SLC35D1: variants seen among roughly 807,000 people sequenced by gnomAD.
SLC35D1 encodes solute carrier family 35 member D1, also known as nucleotide sugar transporter SLC35D1.
In SLC35D1, 31 loss-of-function variants were observed where a neutral mutation model predicts 46.7. That is an observed-to-expected ratio of 0.66 (90% CI 0.50 to 0.90). SLC35D1 has a LOEUF of 0.90. Among genes scored for constraint, SLC35D1 ranks in the 40% least tolerant of loss-of-function variants. The pLI is 0.00. For missense variants in SLC35D1, 397 were observed against 426.2 expected (o/e 0.93, Z 0.60); for synonymous variants, 195 against 164.6 (o/e 1.18, Z -1.41).
rs1056633371 is a variant in SLC35D1, at chr1:67,054,057, C to T, written c.-44G>A. 1 of 1,595,264 alleles carries T rather than the reference C, an allele frequency of 6.3e-7. No homozygotes were observed. The highest frequency in any genetic ancestry group is 8.6e-7 in the Non-Finnish European group (1 of 1,168,308). On this transcript the variant is annotated 5_prime_UTR_variant, in exon 1 of 12. Transcript: ENST00000235345. Reference sequence around the variant, plus strand: ...GGCCTGGCGGCGGGGCCTAGCGGCTCGGGGGCCTGCAGCGGCAGCTCCCAG... The same window carrying T: ...GGCCTGGCGGCGGGGCCTAGCGGCTTGGGGGCCTGCAGCGGCAGCTCCCAG...
rs778461128 is a variant in SLC35D1, at chr1:67,009,129, TCCA to T, written c.912_914del (p.Gly305del). The T allele has an allele frequency of 6.6e-7, 1 of 1,504,060 alleles. No individual in the cohort carries two copies. The highest frequency in any genetic ancestry group is 1.1e-5 in the South Asian group (1 of 87,474). 93.2% of individuals were successfully genotyped at this position (1,504,060 alleles called of 1,614,324 possible). A position where few individuals can be genotyped will look rare whatever the true frequency, so the allele number is the denominator to read the frequency against. On this transcript the variant is annotated inframe_deletion, in exon 11 of 12. Coordinates refer to ENST00000235345, the MANE Select transcript of SLC35D1 (RefSeq NM_015139.3). ...AGTTTGTCCACGTGAAAATATAATC[TCCA>T]CCAAAGACCATTCCAATATAAGTTA...
chr1:66,983,475 T>C, the SLC35D1 span, among the ~76,000 whole-genome samples: 1 of 150,496 alleles, frequency 6.6e-6, no homozygotes, highest in East Asian at 1.9e-4. Flanking sequence ...GCACCCTATA[T>C]TTTACTTCTT....
At chr1:66,981,658 C>A in the SLC35D1 span, 1 of 720,094 alleles carries the variant, frequency 1.4e-6, no homozygotes, top group Non-Finnish European at 2.2e-6. Context: ...AGATGAAGCA[C>A]TGGAATGAAT....
At chr1:66,997,578 T>TAC (rs934701652), downstream of SLC35D1, among the ~76,000 whole-genome samples, 8 of 130,862 alleles carry the variant, frequency 6.1e-5, no homozygotes, top group African/African-American at 1.7e-4. Context: ...TGTATATATA[T>TAC]ACACACACAG....
chr1:66,997,502 T>TAA (rs767972425), downstream of SLC35D1, among the ~76,000 whole-genome samples: 3,666 of 79,914 alleles, frequency 0.046, 146 homozygotes, highest in African/African-American at 0.085. Context: ...GACCCTGTGT[T>TAA]AAAAAAAAAA....
downstream of SLC35D1, among the ~76,000 whole-genome samples, chr1:66,995,349 T>C (rs1304448772): frequency 6.8e-6 from 1 of 147,066 alleles, no homozygotes; most frequent in African/African-American, 2.5e-5. Context: ...TGCCAACCTC[T>C]GACCTACAGT....
chr1:67,022,466 C>T (rs193055294), intron 8 of SLC35D1, among the ~76,000 whole-genome samples: 4 of 152,320 alleles, frequency 2.6e-5, no homozygotes, highest in Admixed American at 1.3e-4. Flanking sequence ...CGTCTGACTC[C>T]TGTTCAGCCA....
chr1:67,047,235 C>G, intron 7 of SLC35D1, 30 bp downstream of exon 7: 1 of 1,544,780 alleles, frequency 6.5e-7, no homozygotes, highest in Non-Finnish European at 8.9e-7. Context: ...CATCAGTACA[C>G]AACTGTTAAA....
In SLC35D1 at chr1:67,043,480, G is replaced by A. The variant is rs1645218083; in HGVS notation, c.637-1152C>T. Among the ~76,000 whole-genome samples, 2 of 152,158 alleles carry A rather than the reference G, an allele frequency of 1.3e-5. 1 individual carries two copies. Among genetic ancestry groups the A allele is most frequent in the African/African-American group, 4.8e-5 (2 of 41,424 alleles). On this transcript the variant is annotated intron_variant, in intron 7 of 11. Transcript: ENST00000235345. ...CCCTTGAACCCAGGAATCCAAGGGA[G>A]GCTGCAGTGAGCTCTGATTGTGCCA...
the SLC35D1 span, among the ~76,000 whole-genome samples, chr1:66,989,344 GTGT>G: frequency 3.9e-5 from 6 of 152,212 alleles, no homozygotes; most frequent in Non-Finnish European, 4.4e-5. Flanking sequence ...AGAGCTGGCT[GTGT>G]TGTTCTGCAC....
At chr1:67,011,999 G>C (rs1159024140) in intron 10 of SLC35D1, among the ~76,000 whole-genome samples, 2 of 152,172 alleles carry the variant, frequency 1.3e-5, no homozygotes, top group Admixed American at 6.5e-5. Flanking sequence ...TTGTGCCCTT[G>C]AAAGTTTGAC....
At chr1:67,005,857 T>C (rs1460733780) in intron 11 of SLC35D1, among the ~76,000 whole-genome samples, 2 of 152,192 alleles carry the variant, frequency 1.3e-5, no homozygotes, top group Non-Finnish European at 2.9e-5. Context: ...ATCTTGTTAA[T>C]TTCCCACGGC....
At position 67,004,233 on chromosome 1, in the gene SLC35D1, G is replaced by T; in HGVS notation, c.*107C>A. On this transcript the variant is annotated 3_prime_UTR_variant, in exon 12 of 12. Transcript: ENST00000235345. ...TCAGATTGTACAAGTGCAAAGGAAT[G>T]GTTATTTCCTCCATAATCAAGACAC... The T allele has an allele frequency of 2.2e-6, 2 of 925,554 alleles. No individual in the cohort carries two copies. The highest frequency in any genetic ancestry group is 1.8e-6 in the Non-Finnish European group (1 of 568,068). 57.3% of individuals were successfully genotyped at this position (925,554 alleles called of 1,614,324 possible).
At chr1:67,047,659 C>A (rs1645266110) in intron 6 of SLC35D1, among the ~76,000 whole-genome samples, 1 of 152,064 alleles carries the variant, frequency 6.6e-6, no homozygotes, top group Non-Finnish European at 1.5e-5. Flanking sequence ...CAACAAGCAC[C>A]AAATTACCAT....
At chr1:67,046,864 G>A (rs1003653570) in intron 7 of SLC35D1, among the ~76,000 whole-genome samples, 1 of 152,034 alleles carries the variant, frequency 6.6e-6, no homozygotes, top group Non-Finnish European at 1.5e-5. Context: ...ATACATAAAG[G>A]CCATTTTTGT....
At chr1:67,029,475 A>G (rs2102307523) in intron 8 of SLC35D1, among the ~76,000 whole-genome samples, 1 of 152,328 alleles carries the variant, frequency 6.6e-6, no homozygotes, top group South Asian at 2.1e-4. Context: ...AAACTGGCCT[A>G]CGACTCAGGA....
chr1:67,037,435 G>T (rs895223050), intron 8 of SLC35D1, among the ~76,000 whole-genome samples: 1 of 152,158 alleles, frequency 6.6e-6, no homozygotes, highest in Non-Finnish European at 1.5e-5. Context: ...GATGCAATCA[G>T]ATTTTGTCTT....
At chr1:66,973,934 C>T in the SLC35D1 span, among the ~76,000 whole-genome samples, 1 of 152,098 alleles carries the variant, frequency 6.6e-6, no homozygotes. Context: ...GAATAGTCTT[C>T]TGCCACAGCT....
In SLC35D1 at chr1:67,020,360, TCTA is replaced by T. The variant is rs1177919374; in HGVS notation, c.876+6_876+8del. On this transcript the variant is annotated splice_donor_region_variant and intron_variant, in intron 10 of 11. Coordinates refer to ENST00000235345, the MANE Select transcript of SLC35D1 (RefSeq NM_015139.3). ...AGGTACCAAAAGCTAACAGTATTTTTCTACTTACCTTAATACAGCCAACTATTG... is the reference window on the plus strand; with the variant it reads ...AGGTACCAAAAGCTAACAGTATTTTTCTTACCTTAATACAGCCAACTATTG... The T allele has an allele frequency of 6.4e-7, 1 of 1,564,154 alleles. No individual in the cohort carries two copies. Among genetic ancestry groups the T allele is most frequent in the Admixed American group, 1.7e-5 (1 of 59,936 alleles).
Sources: gnomAD v4.1 joint callset for allele counts (sites outside exome capture counted in the v4.1 genomes callset) on GRCh38, gnomAD v4.1.1 for gene constraint, MANE v1.5 for transcripts, NCBI Gene and HGNC (gene_info 2026-07-23, HGNC 2026-07-21) for gene names.